The following CNTN5 variants were observed in gnomAD, a reference collection of about 807,000 sequenced individuals.
CNTN5 encodes the protein contactin-5.
A neutral mutation model predicts 129.1 loss-of-function variants in CNTN5; 77 were observed. The ratio of observed to expected loss-of-function variants is 0.60; its 90% CI spans 0.50 to 0.72. The LOEUF (loss-of-function observed/expected upper bound fraction) is 0.72. Among genes scored for constraint, CNTN5 ranks in the 30% least tolerant of loss-of-function variants. The pLI, the probability that CNTN5 is intolerant of heterozygous loss-of-function variation, is 0.00. For missense variants in CNTN5, 1,478 were observed against 1,328.8 expected, an observed-to-expected ratio of 1.11 and a Z score of -1.75; for synonymous variants, 509 against 465.6, an observed-to-expected ratio of 1.09 and a Z score of -1.20.
At chr11:99,860,433 C>A (rs535547575) in intron 6 of CNTN5, among the ~76,000 whole-genome samples, 1 of 152,164 alleles carries the variant, frequency 6.6e-6, no homozygotes, top group African/African-American at 2.4e-5. Context: ...ATTCTTATAG[C>A]TATAGGTCTT....
Position 100,308,354 on chromosome 11 carries a change from T to C in CNTN5, c.2621-5T>C. On this transcript the variant is annotated splice_region_variant and splice_polypyrimidine_tract_variant and intron_variant, in intron 20 of 24. Coordinates refer to ENST00000524871, the MANE Select transcript of CNTN5 (RefSeq NM_014361.4). ...TATAATTGTGGTTTATTTTCCTTCA[T>C]ACAGAACCCAGTGCTGCTCCCACAG... The C allele has an allele frequency of 6.2e-7, 1 of 1,608,420 alleles. No individual in the cohort carries two copies. Among genetic ancestry groups the C allele is most frequent in the Non-Finnish European group, 8.5e-7 (1 of 1,176,898 alleles).
intron 2 of CNTN5, among the ~76,000 whole-genome samples, chr11:99,423,277 CA>C (rs1284200226): frequency 6.6e-6 from 1 of 152,148 alleles, no homozygotes; most frequent in Non-Finnish European, 1.5e-5. Flanking sequence ...ATCTTTATGA[CA>C]GGAGTTAGTC....
In CNTN5 at chr11:99,920,801, A is replaced by C. The variant is rs1226292110; in HGVS notation, c.673+4652A>C. 2.6e-5 allele frequency among the ~76,000 whole-genome samples: 4 copies of C among 152,270 alleles called. No individual in the cohort carries two copies. In the East Asian group the frequency reaches 5.8e-4, roughly 22 times the overall value. On this transcript the variant is annotated intron_variant, in intron 7 of 24. Transcript: ENST00000524871. ...CACTCTCATGACTTGATCACTTACC[A>C]AAACACTTGCCAACTAATACCAGCA...
intron 7 of CNTN5, among the ~76,000 whole-genome samples, chr11:99,920,644 A>G (rs1054077451): frequency 8.5e-5 from 13 of 152,154 alleles, no homozygotes; most frequent in African/African-American, 2.7e-4. Context: ...ACAAACCATC[A>G]GTAATTTTAC....
chr11:99,753,908 G>C (rs1944322732), intron 3 of CNTN5, among the ~76,000 whole-genome samples: 1 of 148,480 alleles, frequency 6.7e-6, no homozygotes, highest in South Asian at 2.1e-4. Context: ...GGCTGGTCTT[G>C]AACTCCTAAG....
chr11:99,677,048 T>TATTTTTTAAAATAGTTTAA (rs1953319616), intron 3 of CNTN5, among the ~76,000 whole-genome samples: 1 of 152,066 alleles, frequency 6.6e-6, no homozygotes, highest in Non-Finnish European at 1.5e-5. Flanking sequence ...ACTCAATAAC[T>TATTTTTTAAAATAGTTTAA]ATTTTTAAAA....
At chr11:100,217,981 T>G (rs2138608457) in intron 15 of CNTN5, among the ~76,000 whole-genome samples, 1 of 152,352 alleles carries the variant, frequency 6.6e-6, no homozygotes, top group Admixed American at 6.5e-5. Context: ...CCCTTCTACC[T>G]CTAGGACTGT....
chr11:99,026,908 C>T (rs1354685307), intron 1 of CNTN5, among the ~76,000 whole-genome samples: 2 of 151,434 alleles, frequency 1.3e-5, no homozygotes, highest in Admixed American at 6.6e-5. Context: ...ATGTAATTTC[C>T]TTGTTGCCAC....
chr11:99,212,970 T>C (rs1859882996), intron 1 of CNTN5, among the ~76,000 whole-genome samples: 1 of 151,802 alleles, frequency 6.6e-6, no homozygotes, highest in Non-Finnish European at 1.5e-5. Flanking sequence ...GGTGGGTGGA[T>C]CACGAAGTCA....
At chr11:99,579,689 A>T (rs1949502083) in intron 3 of CNTN5, among the ~76,000 whole-genome samples, 1 of 137,830 alleles carries the variant, frequency 7.3e-6, no homozygotes, top group Non-Finnish European at 1.5e-5. Context: ...TTGTATCCTG[A>T]GACTTTGCTG....
intron 6 of CNTN5, among the ~76,000 whole-genome samples, chr11:99,854,814 C>T (rs192415897): frequency 2.0e-4 from 31 of 151,966 alleles, no homozygotes; most frequent in African/African-American, 5.6e-4. Context: ...GTTTCACCAA[C>T]GACAATTTGT....
chr11:99,120,769 C>T (rs61893374), intron 1 of CNTN5, among the ~76,000 whole-genome samples: 3,738 of 152,082 alleles, frequency 0.025, 99 homozygotes, highest in East Asian at 0.1. Flanking sequence ...TAGTTCGAGT[C>T]ACAGATGCAG....
At chr11:99,064,266 CACTTA>C (rs1364991738) in intron 1 of CNTN5, among the ~76,000 whole-genome samples, 3 of 152,098 alleles carry the variant, frequency 2.0e-5, no homozygotes, top group East Asian at 1.9e-4. Flanking sequence ...TCTTTAGGGG[CACTTA>C]ACTTCACTTG....
chr11:99,203,023 C>T (rs75172268), intron 1 of CNTN5, among the ~76,000 whole-genome samples: 2,093 of 151,350 alleles, frequency 0.014, 36 homozygotes, highest in African/African-American at 0.047. Context: ...GGAAAGAAGG[C>T]AGGCAGAGAG....
At chr11:99,493,770 A>AT (rs1397238625) in intron 2 of CNTN5, among the ~76,000 whole-genome samples, 4 of 152,254 alleles carry the variant, frequency 2.6e-5, no homozygotes, top group South Asian at 2.1e-4. Flanking sequence ...TGGTCCATGT[A>AT]TTTTTTAACA....
intron 2 of CNTN5, among the ~76,000 whole-genome samples, chr11:99,464,532 G>A (rs1468248904): frequency 1.3e-5 from 2 of 152,094 alleles, no homozygotes; most frequent in East Asian, 3.8e-4. Flanking sequence ...AAGTATTATG[G>A]CTATGACTTC....
At chr11:99,515,488 TTGTATTTCATG>T (rs1947012311) in intron 2 of CNTN5, among the ~76,000 whole-genome samples, 1 of 152,086 alleles carries the variant, frequency 6.6e-6, no homozygotes, top group Non-Finnish European at 1.5e-5. Flanking sequence ...TTTTTCACCA[TTGTATTTCATG>T]CCTGCGTTGA....
chr11:99,256,936 C>A lies in CNTN5; in HGVS notation c.-209-68410C>A, dbSNP rs1026194173. 2.0e-5 allele frequency among the ~76,000 whole-genome samples: 3 copies of A among 152,134 alleles called. No individual in the cohort carries two copies. In the East Asian group the frequency reaches 5.8e-4, roughly 29 times the overall value. Reference sequence around the variant, plus strand: ...GTTTGCACATATTCCAAGATAGATGCACACCTTAAAAATAAGGTAATGACA... The same window carrying A: ...GTTTGCACATATTCCAAGATAGATGAACACCTTAAAAATAAGGTAATGACA... On this transcript the variant is annotated intron_variant, in intron 1 of 24. Coordinates refer to ENST00000524871, the MANE Select transcript of CNTN5 (RefSeq NM_014361.4).
At chr11:99,668,234 A>G (rs1253460984) in intron 3 of CNTN5, among the ~76,000 whole-genome samples, 2 of 152,116 alleles carry the variant, frequency 1.3e-5, no homozygotes, top group Non-Finnish European at 2.9e-5. Flanking sequence ...CAGTGTCCAC[A>G]CCCCAGAGTA....
Sources: allele counts gnomAD v4.1 joint callset (sites outside exome capture counted in the v4.1 genomes callset), GRCh38; gene constraint gnomAD v4.1.1; transcripts MANE v1.5; gene names NCBI Gene and HGNC (gene_info 2026-07-23, HGNC 2026-07-21).